Variants in OR3A2 observed in about 807,000 individuals in gnomAD.
OR3A2 encodes the protein olfactory receptor 3A2.
For synonymous variants in OR3A2, 126 were observed against 159.3 expected (o/e 0.79, Z 1.57); for missense variants, 318 against 392.8 (o/e 0.81, Z 1.61).
intron 3 of OR3A2, among the ~76,000 whole-genome samples, chr17:3,333,674 T>G (rs190130829): frequency 3.3e-5 from 5 of 152,262 alleles, no homozygotes; most frequent in Admixed American, 3.3e-4. Context: ...CATTGAAATA[T>G]TGGGGGCATG....
rs190813478 is a variant in OR3A2, at chr17:3,297,010, C to T, written c.-84-17857G>A. ...CTGCTCCCTCAGCCAGTAGCTGCCCCCTCTGGGCCCTGCAGAGATTCCCTT... is the reference window on the plus strand; with the variant it reads ...CTGCTCCCTCAGCCAGTAGCTGCCCTCTCTGGGCCCTGCAGAGATTCCCTT... On this transcript the variant is annotated intron_variant, in intron 3 of 4. Coordinates refer to the OR3A2 transcript ENST00000573491. 6.6e-5 allele frequency among the ~76,000 whole-genome samples: 10 copies of T among 152,316 alleles called. No individual in the cohort carries two copies. In the East Asian group the frequency reaches 1.2e-3, roughly 18 times the overall value.
At chr17:3,363,329 A>G (rs976790644) in intron 2 of OR3A2, among the ~76,000 whole-genome samples, 12 of 151,760 alleles carry the variant, frequency 7.9e-5, no homozygotes, top group African/African-American at 2.9e-4. Context: ...CTTCTGCCAG[A>G]TACTCTAAAT....
At chr17:3,335,680 T>C (rs978152834) in intron 3 of OR3A2, among the ~76,000 whole-genome samples, 1 of 152,214 alleles carries the variant, frequency 6.6e-6, no homozygotes, top group Admixed American at 6.6e-5. Context: ...ACATACATTA[T>C]CTCATTTAAC....
At chr17:3,290,101 G>GTGTAC (rs1290397800) in intron 3 of OR3A2, among the ~76,000 whole-genome samples, 1 of 152,000 alleles carries the variant, frequency 6.6e-6, no homozygotes, top group Non-Finnish European at 1.5e-5. Flanking sequence ...CGAGTCCTTG[G>GTGTAC]TGTACTTTTT....
At chr17:3,372,929 G>T in intron 2 of OR3A2, among the ~76,000 whole-genome samples, 1 of 147,326 alleles carries the variant, frequency 6.8e-6, no homozygotes. Context: ...ATTTTTTGAT[G>T]TAGGCATATA....
intron 3 of OR3A2, among the ~76,000 whole-genome samples, chr17:3,331,669 C>T (rs149890845): frequency 0.41 from 61,373 of 150,816 alleles, 12,867 homozygotes; most frequent in Admixed American, 0.52. Flanking sequence ...AATGTCCTCC[C>T]GTAGCTCAGA....
At chr17:3,335,540 G>A (rs557255233) in intron 3 of OR3A2, among the ~76,000 whole-genome samples, 1 of 152,154 alleles carries the variant, frequency 6.6e-6, no homozygotes, top group South Asian at 2.1e-4. Flanking sequence ...GTTTAAAAAT[G>A]TGTTTCTGAT....
intron 2 of OR3A2, among the ~76,000 whole-genome samples, chr17:3,382,071 A>C (rs1235234515): frequency 6.6e-6 from 1 of 152,140 alleles, no homozygotes; most frequent in Non-Finnish European, 1.5e-5. Context: ...GAAGTCAAGA[A>C]AGGAGGTGGG....
chr17:3,312,144 A>C (rs929276476), intron 3 of OR3A2, among the ~76,000 whole-genome samples: 16 of 152,194 alleles, frequency 1.1e-4, no homozygotes, highest in Non-Finnish European at 2.9e-5. Flanking sequence ...TTACTGATAC[A>C]AAGTGAATTG....
At chr17:3,346,059 T>A (rs1258187170) in intron 2 of OR3A2, among the ~76,000 whole-genome samples, 2 of 152,062 alleles carry the variant, frequency 1.3e-5, no homozygotes, top group Non-Finnish European at 2.9e-5. Context: ...GGGACAATTA[T>A]AAAAGCTAGA....
chr17:3,382,180 G>A (rs1597367301), intron 2 of OR3A2, among the ~76,000 whole-genome samples: 1 of 152,204 alleles, frequency 6.6e-6, no homozygotes, highest in East Asian at 1.9e-4. Flanking sequence ...GAGAAGGAGG[G>A]GGCCATGCTG....
chr17:3,316,854 G>C (rs1016895840), intron 3 of OR3A2, among the ~76,000 whole-genome samples: 5 of 152,202 alleles, frequency 3.3e-5, no homozygotes, highest in African/African-American at 1.2e-4. Flanking sequence ...GTTGAATGAA[G>C]AGAACCTTCA....
At chr17:3,277,920 A>C in exon 2 of OR3A2, 1 of 1,525,578 alleles carries the variant, frequency 6.6e-7, no homozygotes, top group Non-Finnish European at 8.8e-7. Context: ...TCTTCATGGG[A>C]AATTTTCCTC....
chr17:3,374,271 G>A (rs910887052), intron 2 of OR3A2, among the ~76,000 whole-genome samples: 2 of 152,144 alleles, frequency 1.3e-5, no homozygotes, highest in African/African-American at 4.8e-5. Context: ...ATGACTATCT[G>A]CCCAGGTGAT....
At chr17:3,310,941 G>T (rs774593654) in intron 3 of OR3A2, 17 of 595,612 alleles carry the variant, frequency 2.9e-5, no homozygotes, top group African/African-American at 5.7e-5. Context: ...TTTCATGGGT[G>T]TGGCCCCCTT....
chr17:3,292,677 C>A, intron 3 of OR3A2: 1 of 1,122,124 alleles, frequency 8.9e-7, no homozygotes, highest in South Asian at 1.6e-5. Flanking sequence ...TTCTACTTGC[C>A]CGGCCCTCTG....
intron 2 of OR3A2, among the ~76,000 whole-genome samples, chr17:3,362,001 T>C (rs1207102358): frequency 6.6e-6 from 1 of 151,656 alleles, no homozygotes; most frequent in African/African-American, 2.4e-5. Context: ...GTACCAGCTC[T>C]TCCTTGTACC....
At chr17:3,371,595 G>A (rs575243766) in intron 2 of OR3A2, among the ~76,000 whole-genome samples, 47 of 140,010 alleles carry the variant, frequency 3.4e-4, no homozygotes, top group East Asian at 4.6e-4. Flanking sequence ...CCTCCCGGAC[G>A]GGGTGGCTGG....
chr17:3,381,082 CTGTG>C (rs945743381), intron 2 of OR3A2, among the ~76,000 whole-genome samples: 3 of 151,672 alleles, frequency 2.0e-5, no homozygotes, highest in African/African-American at 7.3e-5. Flanking sequence ...GTGTCTACGT[CTGTG>C]TGTAAGGGAC....
Sources: allele counts gnomAD v4.1 joint callset (sites outside exome capture counted in the v4.1 genomes callset), GRCh38; gene constraint gnomAD v4.1.1; transcripts MANE v1.5; gene names NCBI Gene and HGNC (gene_info 2026-07-23, HGNC 2026-07-21).